Variants in CD244 observed in about 807,000 individuals in gnomAD.
CD244 encodes the protein CD244 molecule, also known as natural killer cell receptor 2B4.
Under a neutral mutation model 45.5 loss-of-function variants are expected in CD244, and 20 were observed. The observed-to-expected ratio is 0.44, with a 90% confidence interval of 0.31 to 0.64. The LOEUF is 0.64. CD244 is among the 30% of genes least tolerant of loss of function. The pLI is 0.08. For synonymous variants in CD244, 185 were observed against 160.5 expected (o/e 1.15, Z -1.15); for missense variants, 407 against 426.9 (o/e 0.95, Z 0.41).
chr1:160,834,745 T>A (rs921548255), intron 6 of CD244, among the ~76,000 whole-genome samples: 10 of 152,198 alleles, frequency 6.6e-5, no homozygotes, highest in Non-Finnish European at 1.5e-4. Context: ...ATAGCCCAAG[T>A]CAGGCAGTGC....
At chr1:160,851,867 C>T (rs1669931391) in intron 1 of CD244, among the ~76,000 whole-genome samples, 1 of 152,100 alleles carries the variant, frequency 6.6e-6, no homozygotes, top group South Asian at 2.1e-4. Flanking sequence ...TAACAGGACA[C>T]ACACACACAA....
intron 7 of CD244, chr1:160,832,868 GTGTA>G (rs1669177796): frequency 1.2e-4 from 39 of 316,008 alleles, no homozygotes; most frequent in South Asian, 4.8e-4. Context: ...GTGTGTGTGT[GTGTA>G]TATATATATA....
intron 1 of CD244, among the ~76,000 whole-genome samples, chr1:160,842,528 G>A (rs965509085): frequency 2.6e-5 from 4 of 152,080 alleles, no homozygotes; most frequent in Admixed American, 2.0e-4. Context: ...ACTACTAATG[G>A]CAAGTAGTGA....
Position 160,862,499 on chromosome 1 carries a change from C to T in CD244, c.61+118G>A, listed in dbSNP as rs1029935131. On this transcript the variant is annotated intron_variant, in intron 1 of 8. Transcript: ENST00000368034. ...ACTGTCAGAGCTGTCAGGAGCTGCT[C>T]GGAGTCAAGTTCCAGATGACTGTGT... The T allele has an allele frequency of 3.9e-5, 32 of 825,084 alleles. No homozygotes were observed. The South Asian group carries it at 4.0e-4, about 10-fold the overall frequency. The allele number at this position is 825,084 out of a possible 1,614,324, so 51.1% of individuals were successfully genotyped here.
chr1:160,836,244 T>G lies in CD244; in HGVS notation c.845A>C (p.Gln282Pro), dbSNP rs566899241. 5 of 1,613,290 alleles carry G rather than the reference T, an allele frequency of 3.1e-6. No individual in the cohort carries two copies. The South Asian group carries it at 3.3e-5, about 11-fold the overall frequency. The change falls in exon 6 of 9, where the codon CAG becomes CCG. Residue 282 changes from glutamine to proline, a missense_variant. By Grantham distance (76) the Gln-to-Pro change is moderately conservative (BLOSUM62 -1). Transcript: ENST00000368034. The stretch of plus-strand genomic sequence containing the variant: ...GGTGCTCCCCCCTCCAGGAAAAGTC[T>G]GCTCCTGCTCCTGCACAAGAAATGG... The part of the protein sequence containing the change: ...LKTRRNHEQE[Q>P]TFPGGGSTIY...
chr1:160,858,054 A>AG (rs1035951476), intron 1 of CD244, among the ~76,000 whole-genome samples: 6 of 148,164 alleles, frequency 4.0e-5, no homozygotes, highest in African/African-American at 1.5e-4. Context: ...CTCACAAAAA[A>AG]ATAAAAATAA....
chr1:160,861,199 C>T (rs1042987787), intron 1 of CD244, among the ~76,000 whole-genome samples: 1 of 152,190 alleles, frequency 6.6e-6, no homozygotes. Context: ...TCCTGGGCCA[C>T]TAGGCCCCCC....
At chr1:160,835,669 A>G (rs1022750597) in intron 6 of CD244, among the ~76,000 whole-genome samples, 2 of 152,162 alleles carry the variant, frequency 1.3e-5, no homozygotes, top group Non-Finnish European at 2.9e-5. Context: ...CATGACACCA[A>G]ATGCCACCTG....
At chr1:160,847,938 A>G (rs1210616216) in intron 1 of CD244, 2 of 159,364 alleles carry the variant, frequency 1.3e-5, no homozygotes, top group Admixed American at 1.2e-4. Context: ...TTCATTAAAT[A>G]AAAGTGTTAA....
chr1:160,860,419 A>G (rs1249154965), intron 1 of CD244, among the ~76,000 whole-genome samples: 1 of 152,118 alleles, frequency 6.6e-6, no homozygotes, highest in Non-Finnish European at 1.5e-5. Flanking sequence ...AATGTAATAC[A>G]TGATCTTGAT....
At chr1:160,847,896 C>A in intron 1 of CD244, 1 of 157,314 alleles carries the variant, frequency 6.4e-6, no homozygotes, top group Non-Finnish European at 1.4e-5. Flanking sequence ...AGCAAATACA[C>A]AATAGAGAAA....
At chr1:160,833,122 C>T (rs1440826933) in intron 7 of CD244, among the ~76,000 whole-genome samples, 2 of 152,042 alleles carry the variant, frequency 1.3e-5, no homozygotes, top group East Asian at 3.9e-4. Context: ...AATTCAGAGG[C>T]ACATTCAGTA....
chr1:160,861,159 C>G (rs893507780), intron 1 of CD244, among the ~76,000 whole-genome samples: 1 of 151,822 alleles, frequency 6.6e-6, no homozygotes, highest in Non-Finnish European at 1.5e-5. Flanking sequence ...ATCCTTAGAC[C>G]AGGTTCCAAC....
Position 160,841,727 on chromosome 1 carries a change from G to A in CD244, c.236C>T (p.Ser79Phe), listed in dbSNP as rs1161718582. 5 of 1,614,044 alleles carry A rather than the reference G, an allele frequency of 3.1e-6. No homozygotes were observed. Among genetic ancestry groups the A allele is most frequent in the African/African-American group, 1.3e-5 (1 of 74,916 alleles). The stretch of plus-strand genomic sequence containing the variant: ...GACTATAAAACTGAATCTATCATTG[G>A]AAGTATTGGAAGGCAAAGAGCCATT... ...WENGSLPSNT[S>F]NDRFSFIVKN... The change falls in exon 2 of 9, where the codon TCC becomes TTC. Residue 79 changes from serine to phenylalanine, a missense_variant. By Grantham distance (155) the Ser-to-Phe change is radical. Transcript: ENST00000368034.
intron 1 of CD244, among the ~76,000 whole-genome samples, chr1:160,855,095 C>CATTG (rs769059343): frequency 1.3e-5 from 2 of 152,186 alleles, no homozygotes; most frequent in Non-Finnish European, 2.9e-5. Flanking sequence ...AGATGAAGTA[C>CATTG]ATTGACACTG....
At chr1:160,855,555 C>T (rs766530623) in intron 1 of CD244, among the ~76,000 whole-genome samples, 25 of 152,268 alleles carry the variant, frequency 1.6e-4, no homozygotes, top group Non-Finnish European at 3.2e-4. Flanking sequence ...GTACACACAC[C>T]AGATAGGGGA....
Position 160,849,080 on chromosome 1 carries a change from A to T in CD244, c.62-7179T>A, listed in dbSNP as rs566265960. ...GACACTCTCTCCAGTTAGTGTCTGA[A>T]CTGAATTGGAGAACACCCAGCTGGT... On this transcript the variant is annotated intron_variant, in intron 1 of 8. Transcript: ENST00000368034. 3.3e-5 allele frequency among the ~76,000 whole-genome samples: 5 copies of T among 152,288 alleles called. No homozygotes were observed. In the East Asian group the frequency reaches 9.7e-4, roughly 29 times the overall value.
chr1:160,847,669 ATG>A (rs1270984701), intron 1 of CD244, among the ~76,000 whole-genome samples: 2 of 152,206 alleles, frequency 1.3e-5, no homozygotes, highest in Non-Finnish European at 2.9e-5. Flanking sequence ...TGAGTATCAA[ATG>A]TGCAATATAG....
intron 1 of CD244, among the ~76,000 whole-genome samples, chr1:160,855,974 G>T (rs149583425): frequency 1.3e-5 from 2 of 152,326 alleles, no homozygotes; most frequent in Non-Finnish European, 2.9e-5. Context: ...GTCGGAGGAA[G>T]GTGTGGGGCC....
Sources: gnomAD v4.1 joint callset for allele counts (sites outside exome capture counted in the v4.1 genomes callset) on GRCh38, gnomAD v4.1.1 for gene constraint, MANE v1.5 for transcripts, NCBI Gene and HGNC (gene_info 2026-07-23, HGNC 2026-07-21) for gene names.